The following LANCL3 variants were observed in gnomAD, a reference collection of about 807,000 sequenced individuals.
The protein encoded by LANCL3 is lanC-like protein 3.
Under a neutral mutation model 26.5 loss-of-function variants are expected in LANCL3, and 19 were observed. The ratio of observed to expected loss-of-function variants is 0.72; its 90% CI spans 0.50 to 1.05. The LOEUF is 1.05. LANCL3 is among the 50% of genes least tolerant of loss of function. The probability of loss-of-function intolerance (pLI) is 0.00; values close to 1 mark genes in which losing one functional copy is unlikely to be tolerated. For missense variants in LANCL3, 318 were observed against 362.7 expected (o/e 0.88, Z 1.00); for synonymous variants, 160 against 166.6 (o/e 0.96, Z 0.30).
chrX:37,617,474 A>C (rs146934211), intron 1 of LANCL3, among the ~76,000 whole-genome samples: 1,594 of 111,311 alleles, frequency 0.014, 35 homozygotes, highest in African/African-American at 0.049. Context: ...CAAATGCAAG[A>C]AGCAGATAGG....
chrX:37,587,917 C>G (rs781956271), intron 1 of LANCL3, among the ~76,000 whole-genome samples: 13 of 112,213 alleles, frequency 1.2e-4, no homozygotes, highest in African/African-American at 3.9e-4. Flanking sequence ...TGGAGCTGTT[C>G]CTATTTGGCC....
At chrX:37,625,953 A>G (rs1408661768) in intron 1 of LANCL3, among the ~76,000 whole-genome samples, 2 of 111,926 alleles carry the variant, frequency 1.8e-5, no homozygotes, top group Admixed American at 9.5e-5. Flanking sequence ...TCAAGACAAG[A>G]CAAACTATGC....
At chrX:37,579,101 A>T (rs1556416728) in intron 1 of LANCL3, among the ~76,000 whole-genome samples, 1 of 110,537 alleles carries the variant, frequency 9.0e-6, no homozygotes, top group East Asian at 2.8e-4. Context: ...CATATTATAC[A>T]TATATTACAC....
intron 1 of LANCL3, among the ~76,000 whole-genome samples, chrX:37,615,906 T>G (rs1298919658): frequency 8.9e-6 from 1 of 112,305 alleles, no homozygotes; most frequent in Non-Finnish European, 1.9e-5. Context: ...GAAGCAATAT[T>G]ATTCAAAATA....
chrX:37,639,921 T>G (rs1925820193), intron 1 of LANCL3, among the ~76,000 whole-genome samples: 1 of 112,116 alleles, frequency 8.9e-6, no homozygotes, highest in Admixed American at 9.5e-5. Context: ...CTTACAATTT[T>G]GGCGATTGCC....
rs187343012 is a variant in LANCL3, at chrX:37,605,407, C to T, written c.573+32964C>T. Among the ~76,000 whole-genome samples the T allele has an allele frequency of 9.9e-4, 111 of 112,015 alleles. 2 individuals carry two copies. Among genetic ancestry groups the T allele is most frequent in the Non-Finnish European group, 1.4e-3 (77 of 53,180 alleles). On this transcript the variant is annotated intron_variant, in intron 1 of 4. Coordinates refer to ENST00000378619, the MANE Select transcript of LANCL3 (RefSeq NM_001170331.2). The stretch of plus-strand genomic sequence containing the variant: ...TCCTTCTTAGACCAATGCAAGTATA[C>T]AGCCCACTTAACAACAATGAAGGTC...
chrX:37,622,515 G>A (rs1315504704), intron 1 of LANCL3, among the ~76,000 whole-genome samples: 3 of 110,607 alleles, frequency 2.7e-5, no homozygotes, highest in African/African-American at 6.6e-5. Flanking sequence ...CCTCCCCACC[G>A]TTTCCCTTAT....
chrX:37,673,377 C>A (rs1220870612), intron 4 of LANCL3, among the ~76,000 whole-genome samples: 1 of 111,103 alleles, frequency 9.0e-6, no homozygotes, highest in Non-Finnish European at 1.9e-5. Context: ...AATTAGAAAG[C>A]ATTCCATCAT....
chrX:37,605,448 C>T (rs781930423), intron 1 of LANCL3, among the ~76,000 whole-genome samples: 14 of 111,603 alleles, frequency 1.3e-4, no homozygotes, highest in African/African-American at 2.0e-4. Context: ...TGCACATCTT[C>T]GGTATATTCA....
At chrX:37,573,198 C>T (rs1250422936) in intron 1 of LANCL3, among the ~76,000 whole-genome samples, 2 of 111,879 alleles carry the variant, frequency 1.8e-5, no homozygotes, top group Non-Finnish European at 3.8e-5. Flanking sequence ...ATATTTTTTC[C>T]TGGACTCACT....
chrX:37,668,469 G>A (rs369636561), intron 4 of LANCL3: 2 of 366,543 alleles, frequency 5.5e-6, no homozygotes, highest in African/African-American at 5.4e-5. Flanking sequence ...GGTAAACTGG[G>A]CCAGGAGGAC....
At chrX:37,587,421 C>T (rs1440756874) in intron 1 of LANCL3, among the ~76,000 whole-genome samples, 1 of 112,890 alleles carries the variant, frequency 8.9e-6, no homozygotes, top group Admixed American at 9.3e-5. Flanking sequence ...AGGCAGGCCT[C>T]CTTGAGCTGC....
At chrX:37,621,581 T>C (rs1319706961) in intron 1 of LANCL3, among the ~76,000 whole-genome samples, 1 of 113,049 alleles carries the variant, frequency 8.8e-6, no homozygotes. Context: ...TACTTTTTTC[T>C]ATTTTCCTCA....
Position 37,675,764 on chromosome X carries a change from T to G in LANCL3, c.1214T>G (p.Leu405Arg), listed in dbSNP as rs1556437027. ...GGGACAGTGTGCTTTCTGATTGACC[T>G]GCTGCAGCCCAATCAGGCTGAATTC... ...FSGTVCFLIDLLQPNQAEFPL... is the reference protein window; with the variant it reads ...FSGTVCFLIDRLQPNQAEFPL... The change falls in exon 5 of 5, where the codon CTG becomes CGG. Residue 405 changes from leucine (L) to arginine (R), a missense_variant. By Grantham distance (102) the Leu-to-Arg change is moderately radical (BLOSUM62 -2). Transcript: ENST00000378619. 1 of 1,159,942 alleles carries G rather than the reference T, an allele frequency of 8.6e-7. No homozygotes were observed. The highest frequency in any genetic ancestry group is 1.1e-6 in the Non-Finnish European group (1 of 869,716).
chrX:37,588,593 C>G (rs1556418465), intron 1 of LANCL3, among the ~76,000 whole-genome samples: 1 of 111,822 alleles, frequency 8.9e-6, no homozygotes, highest in East Asian at 2.8e-4. Flanking sequence ...GCCACTTGAT[C>G]AAACTGAATT....
chrX:37,663,833 G>A (rs1926477946), intron 3 of LANCL3, among the ~76,000 whole-genome samples: 1 of 111,448 alleles, frequency 9.0e-6, no homozygotes, highest in Non-Finnish European at 1.9e-5. Context: ...TCTAGAATTA[G>A]AGCTTGGTAT....
At chrX:37,621,763 A>G (rs782364225) in intron 1 of LANCL3, among the ~76,000 whole-genome samples, 1 of 111,972 alleles carries the variant, frequency 8.9e-6, no homozygotes, top group Non-Finnish European at 1.9e-5. Flanking sequence ...TAATCACCAT[A>G]TTCCAGGGAT....
chrX:37,668,284 A>C, intron 4 of LANCL3: 1 of 167,077 alleles, frequency 6.0e-6, no homozygotes. Flanking sequence ...TATCCTAGTT[A>C]TATATATAAA....
chrX:37,669,608 T>C (rs782717843), intron 4 of LANCL3, among the ~76,000 whole-genome samples: 23 of 111,806 alleles, frequency 2.1e-4, no homozygotes, highest in Admixed American at 1.1e-3. Flanking sequence ...CTTCCTACCA[T>C]GATTGGAAGC....
Sources: gnomAD v4.1 joint callset for allele counts (sites outside exome capture counted in the v4.1 genomes callset) on GRCh38, gnomAD v4.1.1 for gene constraint, MANE v1.5 for transcripts, NCBI Gene and HGNC (gene_info 2026-07-23, HGNC 2026-07-21) for gene names.